The following CAPRIN1 variants were observed in gnomAD, a reference collection of about 807,000 sequenced individuals.
CAPRIN1 encodes caprin-1.
A neutral mutation model predicts 100.9 loss-of-function variants in CAPRIN1; 29 were observed. The ratio of observed to expected loss-of-function variants is 0.29; its 90% CI spans 0.21 to 0.39. The LOEUF (loss-of-function observed/expected upper bound fraction) is 0.39, where lower values mean the gene tolerates loss of function less well. Among genes scored for constraint, CAPRIN1 ranks in the 10% least tolerant of loss-of-function variants. The pLI, the probability that CAPRIN1 is intolerant of heterozygous loss-of-function variation, is 1.00. For missense variants in CAPRIN1, 795 were observed against 876.7 expected (o/e 0.91, Z 1.18); for synonymous variants, 338 against 307.5 (o/e 1.10, Z -1.04).
intron 2 of CAPRIN1, among the ~76,000 whole-genome samples, chr11:34,057,518 C>T (rs1160289018): frequency 1.3e-5 from 2 of 151,964 alleles, no homozygotes; most frequent in African/African-American, 4.8e-5. Flanking sequence ...TACAATTTGC[C>T]AAAATTTTAT....
At chr11:34,082,291 G>A (rs1326075617) in intron 7 of CAPRIN1, among the ~76,000 whole-genome samples, 1 of 151,978 alleles carries the variant, frequency 6.6e-6, no homozygotes, top group Non-Finnish European at 1.5e-5. Flanking sequence ...AGGTTCAAGC[G>A]ATTCTCCTGC....
At chr11:34,084,650 C>T (rs1047593234) in intron 9 of CAPRIN1, among the ~76,000 whole-genome samples, 2 of 152,088 alleles carry the variant, frequency 1.3e-5, no homozygotes, top group Admixed American at 1.3e-4. Flanking sequence ...AGTTCAAGCC[C>T]ATGTTGTTCA....
intron 2 of CAPRIN1, 86 bp from the exon 3 acceptor site, chr11:34,071,640 G>A (rs921495018): frequency 4.5e-6 from 4 of 881,296 alleles, no homozygotes; most frequent in East Asian, 5.1e-5. Flanking sequence ...GACAAACTTA[G>A]AGGATTGTGA....
chr11:34,071,191 G>C (rs1231092470), intron 2 of CAPRIN1, among the ~76,000 whole-genome samples: 2 of 152,156 alleles, frequency 1.3e-5, no homozygotes, highest in African/African-American at 4.8e-5. Flanking sequence ...TTAAGCTAAA[G>C]AATGAATAAT....
intron 2 of CAPRIN1, chr11:34,053,067 G>T (rs983275919): frequency 9.7e-7 from 1 of 1,029,802 alleles, no homozygotes; most frequent in Admixed American, 5.7e-5. Flanking sequence ...CCGCCTCGTG[G>T]AGTTGGGGCG....
chr11:34,055,745 C>CTTTT (rs146473243), intron 2 of CAPRIN1: 1 of 152,056 alleles, frequency 6.6e-6, no homozygotes, highest in Non-Finnish European at 1.5e-5. Context: ...CACAAAGTAA[C>CTTTT]TTTTTTTTCT....
In CAPRIN1 at chr11:34,086,288, C is replaced by T. The variant is rs776974880; in HGVS notation, c.1123-17C>T. Reference sequence around the variant, plus strand: ...TTTATATTATTTGACTTTATTCTATCCTAACTTAACCTGTAGGATTCAATG... The same window carrying T: ...TTTATATTATTTGACTTTATTCTATTCTAACTTAACCTGTAGGATTCAATG... On this transcript the variant is annotated splice_polypyrimidine_tract_variant and intron_variant, in intron 10 of 18. Coordinates refer to ENST00000341394, the MANE Select transcript of CAPRIN1 (RefSeq NM_005898.5). The T allele has an allele frequency of 2.2e-5, 36 of 1,609,150 alleles. No individual in the cohort carries two copies. Among genetic ancestry groups the T allele is most frequent in the South Asian group, 4.4e-5 (4 of 90,796 alleles).
At chr11:34,059,809 AT>A (rs1850537136) in intron 2 of CAPRIN1, among the ~76,000 whole-genome samples, 1 of 147,390 alleles carries the variant, frequency 6.8e-6, no homozygotes, top group Admixed American at 6.8e-5. Flanking sequence ...ATTGAAATTG[AT>A]TTTTTTCCTG....
chr11:34,072,262 TC>T (rs1331668338), intron 4 of CAPRIN1, among the ~76,000 whole-genome samples: 1 of 151,494 alleles, frequency 6.6e-6, no homozygotes, highest in Admixed American at 6.6e-5. Flanking sequence ...ATATGATTGT[TC>T]CTGTGAATAG....
intron 4 of CAPRIN1, among the ~76,000 whole-genome samples, chr11:34,073,537 C>T (rs1195998106): frequency 6.6e-6 from 1 of 152,140 alleles, no homozygotes; most frequent in Non-Finnish European, 1.5e-5. Context: ...CTCACTGCAA[C>T]CTCCGCCTCC....
chr11:34,053,923 C>T (rs562243400), intron 2 of CAPRIN1, among the ~76,000 whole-genome samples: 82 of 152,200 alleles, frequency 5.4e-4, no homozygotes, highest in African/African-American at 1.9e-3. Context: ...TTGATAACTT[C>T]TACTTGTCTG....
rs189475360 is a variant in CAPRIN1 at position 34,060,508 on chromosome 11, C to T, written c.216+7872C>T. ...GGTTGACCCACTGTGCCTGGCCCCC[C>T]TCAATACTGTTATCTAAACATAGAA... On this transcript the variant is annotated intron_variant, in intron 2 of 18. Transcript: ENST00000341394. Among the ~76,000 whole-genome samples the T allele has an allele frequency of 4.9e-3, 753 of 152,200 alleles. 8 individuals are homozygous for T. The highest frequency in any genetic ancestry group is 0.017 in the African/African-American group (712 of 41,532).
chr11:34,067,185 C>T (rs952136994), intron 2 of CAPRIN1, among the ~76,000 whole-genome samples: 1 of 152,106 alleles, frequency 6.6e-6, no homozygotes, highest in Non-Finnish European at 1.5e-5. Context: ...CTGCCTTGGC[C>T]TCCCAAAGTG....
intron 2 of CAPRIN1, among the ~76,000 whole-genome samples, chr11:34,056,911 G>A (rs1182744932): frequency 2.0e-5 from 3 of 152,194 alleles, no homozygotes; most frequent in Admixed American, 2.0e-4. Flanking sequence ...CAGAAGTGTA[G>A]TGTTTTTAAT....
intron 2 of CAPRIN1, among the ~76,000 whole-genome samples, chr11:34,054,709 C>T (rs1850411000): frequency 6.6e-6 from 1 of 152,182 alleles, no homozygotes; most frequent in Non-Finnish European, 1.5e-5. Flanking sequence ...CAGGAGTGAG[C>T]CCCTGTGCCC....
chr11:34,098,965 A>AC, intron 18 of CAPRIN1: 1 of 1,140,300 alleles, frequency 8.8e-7, no homozygotes, highest in Non-Finnish European at 1.1e-6. Context: ...GAGAGCAGGT[A>AC]CCTTGTCTGT....
intron 14 of CAPRIN1, chr11:34,091,703 C>A: frequency 2.3e-6 from 1 of 441,726 alleles, no homozygotes; most frequent in South Asian, 4.5e-5. Flanking sequence ...TATTATACTC[C>A]CCTTTAAGTA....
intron 15 of CAPRIN1, among the ~76,000 whole-genome samples, chr11:34,095,436 G>A (rs530721453): frequency 6.6e-6 from 1 of 152,230 alleles, no homozygotes; most frequent in Non-Finnish European, 1.5e-5. Context: ...TTCAAGAGGA[G>A]CAGTGGCTCT....
chr11:34,084,630 G>A (rs1851103249), intron 9 of CAPRIN1, among the ~76,000 whole-genome samples: 1 of 152,122 alleles, frequency 6.6e-6, no homozygotes, highest in Admixed American at 6.6e-5. Context: ...GAGGATAAGT[G>A]AACCTGTGCA....
Sources: gnomAD v4.1 joint callset for allele counts (sites outside exome capture counted in the v4.1 genomes callset) on GRCh38, gnomAD v4.1.1 for gene constraint, MANE v1.5 for transcripts, NCBI Gene and HGNC (gene_info 2026-07-23, HGNC 2026-07-21) for gene names.